The following CSMD1 variants were observed in gnomAD, a reference collection of about 807,000 sequenced individuals.
CSMD1 encodes the protein CUB and Sushi multiple domains 1.
Under a neutral mutation model 417.5 loss-of-function variants are expected in CSMD1, and 213 were observed. The ratio of observed to expected loss-of-function variants is 0.51; its 90% CI spans 0.46 to 0.57. The LOEUF (loss-of-function observed/expected upper bound fraction) is 0.57. CSMD1 is among the 20% of genes least tolerant of loss of function. The probability of loss-of-function intolerance (pLI) is 0.00; values close to 1 mark genes in which losing one functional copy is unlikely to be tolerated. For missense variants in CSMD1, 6,923 were observed against 4,529.7 expected (o/e 1.53, Z -15.17); for synonymous variants, 2,862 against 1,736.8 (o/e 1.65, Z -16.11).
At chr8:4,422,014 A>G (rs971524258) in intron 2 of CSMD1, among the ~76,000 whole-genome samples, 2 of 152,114 alleles carry the variant, frequency 1.3e-5, no homozygotes, top group African/African-American at 2.4e-5. Flanking sequence ...AAGTTACTAC[A>G]GAAACTACAT....
chr8:4,376,479 C>A (rs1029135539), intron 3 of CSMD1, among the ~76,000 whole-genome samples: 1 of 152,080 alleles, frequency 6.6e-6, no homozygotes, highest in Non-Finnish European at 1.5e-5. Context: ...AGAAAGAAAA[C>A]CTCCATTTTT....
intron 12 of CSMD1, among the ~76,000 whole-genome samples, chr8:3,420,057 A>C (rs538190149): frequency 4.6e-5 from 7 of 152,302 alleles, no homozygotes; most frequent in African/African-American, 1.4e-4. Flanking sequence ...AGGGTATATT[A>C]AGTTCTATCT....
At position 4,635,878 on chromosome 8, in the gene CSMD1, C is replaced by T. The variant is rs150282984; in HGVS notation, c.302+1464G>A. Reference sequence around the variant, plus strand: ...AAGCTTACCTGTTTCAGAAAAGAGACGGCCATTCTACTATGTATGAAAGGT... The same window carrying T: ...AAGCTTACCTGTTTCAGAAAAGAGATGGCCATTCTACTATGTATGAAAGGT... On this transcript the variant is annotated intron_variant, in intron 2 of 69. Transcript: ENST00000635120. Among the ~76,000 whole-genome samples the T allele has an allele frequency of 3.2e-3, 489 of 151,886 alleles. 1 individual carries two copies. Among genetic ancestry groups the T allele is most frequent in the Non-Finnish European group, 4.1e-3 (276 of 67,896 alleles).
chr8:3,008,914 C>T (rs1808171037), intron 52 of CSMD1, among the ~76,000 whole-genome samples: 1 of 152,178 alleles, frequency 6.6e-6, no homozygotes, highest in Non-Finnish European at 1.5e-5. Context: ...GAGTGAACAC[C>T]TCACATGCAA....
At chr8:4,277,148 T>C (rs555079108) in intron 3 of CSMD1, among the ~76,000 whole-genome samples, 4 of 152,210 alleles carry the variant, frequency 2.6e-5, no homozygotes, top group South Asian at 4.1e-4. Context: ...TATAGAGCCA[T>C]AGTTTAATCC....
At chr8:4,318,426 T>A (rs1799063699) in intron 3 of CSMD1, among the ~76,000 whole-genome samples, 1 of 152,002 alleles carries the variant, frequency 6.6e-6, no homozygotes, top group Non-Finnish European at 1.5e-5. Context: ...TGAGAAAGAG[T>A]AATATTGTGA....
chr8:4,905,619 G>C (rs60287847), intron 1 of CSMD1, among the ~76,000 whole-genome samples: 1 of 151,396 alleles, frequency 6.6e-6, no homozygotes, highest in African/African-American at 2.4e-5. Context: ...TGAGATCGAG[G>C]CCATCCTGGC....
At chr8:3,901,474 G>C (rs1024885277) in intron 5 of CSMD1, among the ~76,000 whole-genome samples, 2 of 152,138 alleles carry the variant, frequency 1.3e-5, no homozygotes, top group Admixed American at 6.5e-5. Flanking sequence ...CCACTTGATA[G>C]ATCTCACACA....
intron 1 of CSMD1, among the ~76,000 whole-genome samples, chr8:4,760,288 T>C (rs1379326): frequency 0.32 from 48,749 of 152,118 alleles, 8,006 homozygotes; most frequent in African/African-American, 0.4. Flanking sequence ...GCCTTTGGCA[T>C]GTGAAGATAA....
At chr8:4,942,796 C>G (rs4588879) in intron 1 of CSMD1, among the ~76,000 whole-genome samples, 78,331 of 152,148 alleles carry the variant, frequency 0.51, 21,380 homozygotes, top group East Asian at 0.79. Context: ...GAATTGGAAA[C>G]TGCAACTTAA....
intron 3 of CSMD1, among the ~76,000 whole-genome samples, chr8:4,075,948 C>G (rs1005298517): frequency 6.6e-6 from 1 of 152,180 alleles, no homozygotes; most frequent in Non-Finnish European, 1.5e-5. Flanking sequence ...TAAATCAGTA[C>G]TCTTTCCCTC....
chr8:3,798,922 G>A (rs1216543162), intron 5 of CSMD1, among the ~76,000 whole-genome samples: 1 of 151,870 alleles, frequency 6.6e-6, no homozygotes, highest in Admixed American at 6.6e-5. Context: ...GTGGAGTCAA[G>A]CTAAACATAT....
intron 52 of CSMD1, among the ~76,000 whole-genome samples, chr8:3,011,048 C>G (rs963903236): frequency 5.3e-5 from 8 of 152,156 alleles, no homozygotes; most frequent in Non-Finnish European, 7.3e-5. Context: ...TTTATTAAAG[C>G]TACTTGGTAT....
intron 12 of CSMD1, among the ~76,000 whole-genome samples, chr8:3,427,959 A>G (rs1813962685): frequency 6.6e-6 from 1 of 152,230 alleles, no homozygotes; most frequent in African/African-American, 2.4e-5. Context: ...AATAAGGTAA[A>G]GGAATTTTGA....
intron 3 of CSMD1, among the ~76,000 whole-genome samples, chr8:4,135,961 C>A (rs1803406557): frequency 6.6e-6 from 1 of 151,934 alleles, no homozygotes; most frequent in Admixed American, 6.6e-5. Context: ...GGTGTTAAGT[C>A]AAATACTGTG....
chr8:4,001,794 A>C (rs1270037890), intron 4 of CSMD1, among the ~76,000 whole-genome samples: 5 of 152,166 alleles, frequency 3.3e-5, no homozygotes, highest in African/African-American at 1.2e-4. Context: ...CAAGTGGTGA[A>C]ATTTAAGGGT....
At chr8:2,963,082 C>A in intron 60 of CSMD1, 140 bp downstream of exon 60, 4 of 911,180 alleles carry the variant, frequency 4.4e-6, no homozygotes, top group Non-Finnish European at 6.6e-6. Context: ...AACACAGTCT[C>A]AAGTTTGAGT....
At chr8:3,538,277 G>C (rs1376844308) in intron 10 of CSMD1, among the ~76,000 whole-genome samples, 1 of 152,206 alleles carries the variant, frequency 6.6e-6, no homozygotes, top group Non-Finnish European at 1.5e-5. Flanking sequence ...CACCTTCAGT[G>C]GTGCACCTGA....
intron 10 of CSMD1, among the ~76,000 whole-genome samples, chr8:3,539,624 G>A (rs936844816): frequency 2.6e-5 from 4 of 152,086 alleles, no homozygotes; most frequent in African/African-American, 9.7e-5. Flanking sequence ...CTAAATCCCA[G>A]CAAGGCTCCC....
Sources: allele counts gnomAD v4.1 joint callset (sites outside exome capture counted in the v4.1 genomes callset), GRCh38; gene constraint gnomAD v4.1.1; transcripts MANE v1.5; gene names NCBI Gene and HGNC (gene_info 2026-07-23, HGNC 2026-07-21).